Variants in ARHGAP12 observed in about 807,000 individuals in gnomAD.
The protein encoded by ARHGAP12 is rho GTPase-activating protein 12.
In ARHGAP12, 64 loss-of-function variants were observed where a neutral mutation model predicts 108.6. The ratio of observed to expected loss-of-function variants is 0.59; its 90% CI spans 0.48 to 0.73. The LOEUF is 0.73. Ranked by LOEUF, ARHGAP12 falls within the 30% of genes least tolerant of loss-of-function variation. ARHGAP12 has a pLI of 0.00. For synonymous variants in ARHGAP12, 312 were observed against 337.2 expected (o/e 0.93, Z 0.82); for missense variants, 940 against 1,005.9 (o/e 0.93, Z 0.89).
rs565590511 is a variant in ARHGAP12 at position 31,829,733 on chromosome 10, C to G, written c.1448+2006G>C. Among the ~76,000 whole-genome samples, 5 of 152,242 alleles carry G rather than the reference C, an allele frequency of 3.3e-5. No individual in the cohort carries two copies. The South Asian group carries it at 1.0e-3, about 32-fold the overall frequency. On this transcript the variant is annotated intron_variant, in intron 10 of 19. Coordinates refer to ENST00000344936, the MANE Select transcript of ARHGAP12 (RefSeq NM_018287.7). ...AGATTCACTCAGGTGCAACAAAGAC[C>G]AACGGCTTTTAATGTAACTGAGTAT...
At chr10:31,915,658 C>T (rs1839523611) in intron 1 of ARHGAP12, among the ~76,000 whole-genome samples, 1 of 152,004 alleles carries the variant, frequency 6.6e-6, no homozygotes, top group Admixed American at 6.6e-5. Flanking sequence ...TTTAGCCATT[C>T]CACTACGTAT....
intron 10 of ARHGAP12, among the ~76,000 whole-genome samples, chr10:31,830,757 C>T (rs1835801498): frequency 6.6e-6 from 1 of 152,066 alleles, no homozygotes; most frequent in Admixed American, 6.6e-5. Context: ...GAAAAACAGA[C>T]AAAGGGTATA....
chr10:31,912,779 A>G (rs1839404380), intron 1 of ARHGAP12, among the ~76,000 whole-genome samples: 2 of 152,204 alleles, frequency 1.3e-5, no homozygotes, highest in Admixed American at 1.3e-4. Flanking sequence ...GGAAGCTCCA[A>G]GAGAAACTAT....
chr10:31,850,754 A>G (rs1198117295), intron 6 of ARHGAP12, among the ~76,000 whole-genome samples: 1 of 152,182 alleles, frequency 6.6e-6, no homozygotes, highest in East Asian at 1.9e-4. Context: ...TAACTTTAAA[A>G]AACTTGCTAG....
chr10:31,826,839 T>G (rs750013757), intron 10 of ARHGAP12: 1 of 154,238 alleles, frequency 6.5e-6, no homozygotes, highest in African/African-American at 2.4e-5. Context: ...TTCCCCTAAT[T>G]GGGCTGGAGT....
At chr10:31,916,438 CCTTT>C (rs1310028961) in intron 1 of ARHGAP12, among the ~76,000 whole-genome samples, 17 of 152,130 alleles carry the variant, frequency 1.1e-4, no homozygotes, top group Non-Finnish European at 1.8e-4. Context: ...AAAGCCTCCT[CCTTT>C]CTATCTGCCA....
chr10:31,878,604 T>C (rs551162469), intron 3 of ARHGAP12, among the ~76,000 whole-genome samples: 20 of 152,358 alleles, frequency 1.3e-4, no homozygotes, highest in African/African-American at 4.3e-4. Context: ...TCCTTTATAG[T>C]ATAGGGATAA....
At chr10:31,853,578 T>C (rs1028963743) in intron 5 of ARHGAP12, among the ~76,000 whole-genome samples, 1 of 152,192 alleles carries the variant, frequency 6.6e-6, no homozygotes, top group South Asian at 2.1e-4. Context: ...CAACCCACAG[T>C]TGCTTTCTCA....
Position 31,806,588 on chromosome 10 carries a change from T to A in ARHGAP12, c.*1070A>T, listed in dbSNP as rs990672367. 1 of 152,610 alleles carries A rather than the reference T, an allele frequency of 6.6e-6. No individual in the cohort carries two copies. The highest frequency in any genetic ancestry group is 2.4e-5 in the African/African-American group (1 of 41,448). 9.5% of individuals were successfully genotyped at this position (152,610 alleles called of 1,614,324 possible). On this transcript the variant is annotated 3_prime_UTR_variant, in exon 20 of 20. Coordinates refer to ENST00000344936, the MANE Select transcript of ARHGAP12 (RefSeq NM_018287.7). ...TTTTTCTAATGTTTTCTGTACATAT[T>A]AAATAACCCAAAAGGTTCCTCTTGT...
chr10:31,908,737 T>A lies in ARHGAP12; in HGVS notation c.119A>T (p.Tyr40Phe). The A allele has an allele frequency of 1.9e-6, 3 of 1,614,158 alleles. No individual in the cohort carries two copies. The highest frequency in any genetic ancestry group is 2.5e-6 in the Non-Finnish European group (3 of 1,180,034). Residue 40 changes from tyrosine (Y) to phenylalanine (F), a missense_variant, in exon 3 of 20, where the codon TAC (tyrosine) becomes TTC (phenylalanine). Coordinates refer to ENST00000344936, the MANE Select transcript of ARHGAP12 (RefSeq NM_018287.7). ...RKIVIKQGERYILVKKTNDDW... is the reference protein window; with the variant it reads ...RKIVIKQGERFILVKKTNDDW... ...ATCATTGGTCTTTTTCACCAAGATG[T>A]ACCTCTCCCCTTGTTTTATCACAAT...
chr10:31,915,349 G>A (rs974159926), intron 1 of ARHGAP12, among the ~76,000 whole-genome samples: 1 of 149,872 alleles, frequency 6.7e-6, no homozygotes, highest in Non-Finnish European at 1.5e-5. Context: ...TAGCGTCATT[G>A]CACTCCAGCC....
At position 31,807,744 on chromosome 10, in the gene ARHGAP12, T is replaced by C; in HGVS notation, c.2455A>G (p.Thr819Ala). Residue 819 changes from threonine to alanine, a missense_variant, in exon 20 of 20, where the codon ACT (threonine) becomes GCT (alanine). Transcript: ENST00000344936. Reference sequence around the variant, plus strand: ...ACAGTATGAACTGCTATATTACCAGTCTCTTTTTCTGGTTTTAATAGAGTG... The same window carrying C: ...ACAGTATGAACTGCTATATTACCAGCCTCTTTTTCTGGTTTTAATAGAGTG... The part of the protein sequence containing the change: ...GPTLLKPEKE[T>A]GNIAVHTVYQ... 1.2e-6 allele frequency: 2 copies of C among 1,606,874 alleles called. No individual in the cohort carries two copies. The highest frequency in any genetic ancestry group is 2.2e-5 in the East Asian group (1 of 44,564).
At chr10:31,855,497 G>A (rs934222206) in intron 4 of ARHGAP12, among the ~76,000 whole-genome samples, 5 of 152,100 alleles carry the variant, frequency 3.3e-5, no homozygotes, top group Admixed American at 6.5e-5. Context: ...GACACTAAGA[G>A]CCTAATATTA....
intron 15 of ARHGAP12, 34 bp from the exon 16 acceptor site, chr10:31,810,781 C>G (rs370891815): frequency 2.6e-6 from 4 of 1,516,988 alleles, no homozygotes; most frequent in East Asian, 4.5e-5. Flanking sequence ...AGTCAATCAC[C>G]TTGCTGAAAT....
chr10:31,838,448 A>AAGGC lies in ARHGAP12; in HGVS notation c.1386+853_1386+856dup, dbSNP rs926107226. 2.6e-5 allele frequency among the ~76,000 whole-genome samples: 4 copies of AAGGC among 152,228 alleles called. No homozygotes were observed. The Middle Eastern group carries it at 0.01, about 388-fold the overall frequency. On this transcript the variant is annotated intron_variant, in intron 9 of 19. Transcript: ENST00000344936. Reference sequence around the variant, plus strand: ...TGTAATCCCAGCACTTTGGGAGGCCAAGGCAGGCATATCACTTGAGGCCAC... The same window carrying AAGGC: ...TGTAATCCCAGCACTTTGGGAGGCCAAGGCAGGCAGGCATATCACTTGAGGCCAC...
At chr10:31,814,857 T>C (rs1835143475) in intron 13 of ARHGAP12, among the ~76,000 whole-genome samples, 1 of 151,954 alleles carries the variant, frequency 6.6e-6, no homozygotes, top group African/African-American at 2.4e-5. Flanking sequence ...CTCACACCTG[T>C]AATCCCAGCA....
At chr10:31,899,512 G>C (rs1487495990) in intron 3 of ARHGAP12, among the ~76,000 whole-genome samples, 2 of 152,170 alleles carry the variant, frequency 1.3e-5, no homozygotes, top group African/African-American at 2.4e-5. Context: ...AATCCAGACA[G>C]CATGGTATTA....
intron 3 of ARHGAP12, 22 bp downstream of exon 3, chr10:31,908,150 C>A: frequency 6.5e-7 from 1 of 1,536,620 alleles, no homozygotes; most frequent in Non-Finnish European, 8.7e-7. Context: ...ACAGTGTTTC[C>A]TCATTCTATT....
intron 11 of ARHGAP12, among the ~76,000 whole-genome samples, chr10:31,824,079 T>G (rs1368504609): frequency 2.0e-5 from 3 of 152,146 alleles, no homozygotes; most frequent in African/African-American, 7.2e-5. Flanking sequence ...TATACGCACT[T>G]ACATGATTTT....
Sources: allele counts gnomAD v4.1 joint callset (sites outside exome capture counted in the v4.1 genomes callset), GRCh38; gene constraint gnomAD v4.1.1; transcripts MANE v1.5; gene names NCBI Gene and HGNC (gene_info 2026-07-23, HGNC 2026-07-21).